WARS2: variants seen among roughly 807,000 people sequenced by gnomAD.
The protein encoded by WARS2 is tryptophan--tRNA ligase, mitochondrial.
In WARS2, 28 loss-of-function variants were observed where a neutral mutation model predicts 36.5. The observed-to-expected ratio is 0.77, with a 90% confidence interval of 0.57 to 1.05. The LOEUF (loss-of-function observed/expected upper bound fraction) is 1.05. WARS2 is among the 50% of genes least tolerant of loss of function. WARS2 has a pLI of 0.00. For synonymous variants in WARS2, 174 were observed against 178.4 expected (o/e 0.98, Z 0.20); for missense variants, 435 against 456.8 (o/e 0.95, Z 0.44).
At chr1:119,127,180 T>C (rs1374684457) in intron 1 of WARS2, 4 of 725,724 alleles carry the variant, frequency 5.5e-6, no homozygotes, top group East Asian at 5.1e-5. Flanking sequence ...ATATTGAACA[T>C]AGCAAGTGCT....
At chr1:119,102,175 C>T (rs972429321) in intron 1 of WARS2, among the ~76,000 whole-genome samples, 1 of 152,130 alleles carries the variant, frequency 6.6e-6, no homozygotes. Context: ...TACCAAACAC[C>T]GTGTTGAGGA....
chr1:119,127,121 A>G, intron 1 of WARS2: 1 of 732,880 alleles, frequency 1.4e-6, no homozygotes, highest in Non-Finnish European at 2.5e-6. Flanking sequence ...CATCAGATGC[A>G]ATTTTGATTC....
rs184002089 is a variant in WARS2, at chr1:119,041,577, T to C, written c.515+687A>G. Among the ~76,000 whole-genome samples the C allele has an allele frequency of 9.8e-4, 149 of 152,306 alleles. 2 individuals are homozygous for C. Among genetic ancestry groups the C allele is most frequent in the African/African-American group, 3.4e-3 (142 of 41,566 alleles). On this transcript the variant is annotated intron_variant, in intron 4 of 5. Coordinates refer to ENST00000235521, the MANE Select transcript of WARS2 (RefSeq NM_015836.4). ...TTATTTAAATTTAATTCAAATTAAA[T>C]AGAATTTAAAGTTCAGTTCCTCTGT... is the stretch of plus-strand genomic sequence containing the variant.
chr1:119,085,113 T>G (rs1652526229), intron 1 of WARS2: 8 of 781,806 alleles, frequency 1.0e-5, no homozygotes, highest in East Asian at 4.9e-5. Context: ...ACTACGCCCT[T>G]CAGAACGCCC....
In WARS2 at chr1:119,031,509, A is replaced by G. The variant is rs1647424529; in HGVS notation, c.*1402T>C. 1 of 152,260 alleles carries G rather than the reference A, an allele frequency of 6.6e-6. No homozygotes were observed. Among genetic ancestry groups the G allele is most frequent in the Non-Finnish European group, 1.5e-5 (1 of 68,052 alleles). 9.4% of individuals were successfully genotyped at this position (152,260 alleles called of 1,614,324 possible). Reference sequence around the variant, plus strand: ...AAGGACTACTCTACTTCCTTAAGAAACATGAGCAAAAATGCTTTGCTCAAC... The same window carrying G: ...AAGGACTACTCTACTTCCTTAAGAAGCATGAGCAAAAATGCTTTGCTCAAC... On this transcript the variant is annotated 3_prime_UTR_variant, in exon 6 of 6. Transcript: ENST00000235521.
intron 1 of WARS2, among the ~76,000 whole-genome samples, chr1:119,094,435 G>A (rs1209120454): frequency 1.3e-5 from 2 of 151,366 alleles, no homozygotes; most frequent in African/African-American, 4.9e-5. Context: ...AGCCCAAACG[G>A]TTTTGAGATA....
chr1:119,116,874 C>A (rs1448117314), intron 1 of WARS2, among the ~76,000 whole-genome samples: 1 of 152,124 alleles, frequency 6.6e-6, no homozygotes, highest in Non-Finnish European at 1.5e-5. Context: ...CAACCGAGCA[C>A]GAACTTCCCC....
intron 2 of WARS2, among the ~76,000 whole-genome samples, chr1:119,050,842 C>T (rs1571277434): frequency 6.6e-6 from 1 of 151,888 alleles, no homozygotes; most frequent in East Asian, 1.9e-4. Flanking sequence ...ATTTTGGTTG[C>T]CTGGGAATAG....
intron 2 of WARS2, among the ~76,000 whole-genome samples, chr1:119,062,659 T>C (rs1650485927): frequency 6.6e-6 from 1 of 152,152 alleles, no homozygotes; most frequent in Non-Finnish European, 1.5e-5. Context: ...GGGACCCGTG[T>C]TTCCCATGCT....
At chr1:119,038,821 C>T (rs1399265927) in intron 4 of WARS2, among the ~76,000 whole-genome samples, 1 of 152,128 alleles carries the variant, frequency 6.6e-6, no homozygotes. Context: ...GCTGGGACTA[C>T]AGGCACACAC....
At position 119,065,154 on chromosome 1, in the gene WARS2, TA is replaced by T. The variant is rs568762801; in HGVS notation, c.348+11195del. On this transcript the variant is annotated intron_variant, in intron 2 of 5. Coordinates refer to ENST00000235521, the MANE Select transcript of WARS2 (RefSeq NM_015836.4). The stretch of plus-strand genomic sequence containing the variant: ...AAATGATAGATCAAATAAGAAATAA[TA>T]GTGAAAATTAGAAATTATTCAGAAC... Among the ~76,000 whole-genome samples the T allele has an allele frequency of 2.2e-3, 336 of 152,206 alleles. 1 individual carries two copies. The highest frequency in any genetic ancestry group is 7.7e-3 in the African/African-American group (320 of 41,572).
chr1:119,059,100 A>G (rs1571295183), intron 2 of WARS2, among the ~76,000 whole-genome samples: 1 of 150,652 alleles, frequency 6.6e-6, no homozygotes, highest in African/African-American at 2.4e-5. Flanking sequence ...GGCTGCATAA[A>G]TGTCTTCTTT....
chr1:119,121,439 A>C (rs1042911274), intron 1 of WARS2, among the ~76,000 whole-genome samples: 2 of 152,208 alleles, frequency 1.3e-5, no homozygotes, highest in Admixed American at 1.3e-4. Flanking sequence ...AATGGGTAGA[A>C]TCAATATTGT....
chr1:119,087,345 T>C (rs1044873688), intron 1 of WARS2, among the ~76,000 whole-genome samples: 1 of 152,158 alleles, frequency 6.6e-6, no homozygotes, highest in Non-Finnish European at 1.5e-5. Flanking sequence ...TAGTTCCAAA[T>C]GTAAAGGGTA....
At chr1:119,108,258 G>A (rs989172702) in intron 1 of WARS2, among the ~76,000 whole-genome samples, 4 of 152,036 alleles carry the variant, frequency 2.6e-5, no homozygotes, top group South Asian at 4.2e-4. Flanking sequence ...ACAGAGAATC[G>A]GTACAATTTC....
chr1:119,073,457 C>A (rs1157280680), intron 2 of WARS2, among the ~76,000 whole-genome samples: 1 of 152,108 alleles, frequency 6.6e-6, no homozygotes, highest in Non-Finnish European at 1.5e-5. Flanking sequence ...CTTTGTGAGA[C>A]AAATTGTATA....
At chr1:119,065,551 C>T (rs1166299759) in intron 2 of WARS2, among the ~76,000 whole-genome samples, 4 of 149,774 alleles carry the variant, frequency 2.7e-5, no homozygotes, top group African/African-American at 9.8e-5. Flanking sequence ...ATGAGAATAG[C>T]TTGAATCCAG....
In WARS2 at chr1:119,079,726, T is replaced by C. The variant is rs1013765173; in HGVS notation, c.91-3119A>G. On this transcript the variant is annotated intron_variant, in intron 1 of 5. Coordinates refer to ENST00000235521, the MANE Select transcript of WARS2 (RefSeq NM_015836.4). ...ATTTTCCTCTCAACTCCTAAGATGA[T>C]AGCCCTAAAATAGAATGCTACATCA... Among the ~76,000 whole-genome samples the C allele has an allele frequency of 5.9e-5, 9 of 152,184 alleles. No individual in the cohort carries two copies. In the South Asian group the frequency reaches 1.9e-3, roughly 32 times the overall value.
At chr1:119,117,077 T>A (rs1241014998) in intron 1 of WARS2, among the ~76,000 whole-genome samples, 1 of 152,120 alleles carries the variant, frequency 6.6e-6, no homozygotes, top group African/African-American at 2.4e-5. Flanking sequence ...ATAAACTCAG[T>A]GCAGTTAGGG....
Sources: allele counts gnomAD v4.1 joint callset (sites outside exome capture counted in the v4.1 genomes callset), GRCh38; gene constraint gnomAD v4.1.1; transcripts MANE v1.5; gene names NCBI Gene and HGNC (gene_info 2026-07-23, HGNC 2026-07-21).